Variants in NLGN1 observed in about 807,000 individuals in gnomAD.
NLGN1 encodes the protein neuroligin 1.
In NLGN1, 12 loss-of-function variants were observed where a neutral mutation model predicts 65.5. That is an observed-to-expected ratio of 0.18 (90% CI 0.12 to 0.30). NLGN1 has a LOEUF of 0.30. Ranked by LOEUF, NLGN1 falls within the 10% of genes least tolerant of loss-of-function variation. NLGN1 has a pLI of 1.00. For missense variants in NLGN1, 750 were observed against 1,007.1 expected (o/e 0.74, Z 3.46); for synonymous variants, 350 against 359.5 (o/e 0.97, Z 0.30).
chr3:173,713,469 G>A (rs1769327528), intron 3 of NLGN1, among the ~76,000 whole-genome samples: 1 of 151,980 alleles, frequency 6.6e-6, no homozygotes, highest in Non-Finnish European at 1.5e-5. Context: ...GAGAAGAATG[G>A]CACCAAACAC....
intron 2 of NLGN1, among the ~76,000 whole-genome samples, chr3:173,447,688 A>G (rs1171534809): frequency 6.6e-6 from 1 of 152,206 alleles, no homozygotes; most frequent in Non-Finnish European, 1.5e-5. Context: ...CTTCCTACCC[A>G]TGAGCATGGA....
intron 4 of NLGN1, among the ~76,000 whole-genome samples, chr3:174,038,283 G>T (rs1731561139): frequency 6.6e-6 from 1 of 152,084 alleles, no homozygotes; most frequent in South Asian, 2.1e-4. Context: ...TAACGCCAAG[G>T]CTAGTCGCTC....
intron 3 of NLGN1, among the ~76,000 whole-genome samples, chr3:173,725,188 GA>G (rs1162954991): frequency 1.3e-5 from 2 of 151,114 alleles, no homozygotes; most frequent in Admixed American, 6.6e-5. Flanking sequence ...AATAAAAAAA[GA>G]AAAAAATAAT....
rs79929746 is a variant in NLGN1, at chr3:174,185,161, A to T, written c.647-90154A>T. 3.6e-3 allele frequency among the ~76,000 whole-genome samples: 546 copies of T among 152,116 alleles called. 2 individuals are homozygous for T. Among genetic ancestry groups the T allele is most frequent in the African/African-American group, 0.012 (518 of 41,526 alleles). Reference sequence around the variant, plus strand: ...TTCCATCCTTTGAGACTCAAATGTTATTGTCTCTGTGAAGCCTTTCCCTTT... The same window carrying T: ...TTCCATCCTTTGAGACTCAAATGTTTTTGTCTCTGTGAAGCCTTTCCCTTT... On this transcript the variant is annotated intron_variant, in intron 4 of 6. Coordinates refer to ENST00000457714, the Ensembl canonical transcript of NLGN1.
chr3:174,193,723 C>A (rs1210766647), intron 4 of NLGN1, among the ~76,000 whole-genome samples: 2 of 152,108 alleles, frequency 1.3e-5, no homozygotes, highest in African/African-American at 4.8e-5. Flanking sequence ...AAAGATAAAA[C>A]TAAAAATAGT....
chr3:174,205,902 C>T (rs1221001455), intron 4 of NLGN1, among the ~76,000 whole-genome samples: 1 of 152,124 alleles, frequency 6.6e-6, no homozygotes, highest in Non-Finnish European at 1.5e-5. Flanking sequence ...GAAATAACTA[C>T]ATGTAAAGTG....
At chr3:174,242,951 C>T (rs889857517) in intron 4 of NLGN1, among the ~76,000 whole-genome samples, 2 of 152,164 alleles carry the variant, frequency 1.3e-5, no homozygotes, top group African/African-American at 4.8e-5. Context: ...TTTATAATTA[C>T]TTCTAGAAAT....
chr3:173,601,023 T>A (rs1363025495), intron 2 of NLGN1, among the ~76,000 whole-genome samples: 1 of 152,004 alleles, frequency 6.6e-6, no homozygotes, highest in Non-Finnish European at 1.5e-5. Flanking sequence ...TAATTATTAT[T>A]TATTTTTATT....
chr3:174,196,655 G>A (rs1211101683), intron 4 of NLGN1, among the ~76,000 whole-genome samples: 2 of 152,068 alleles, frequency 1.3e-5, no homozygotes, highest in African/African-American at 2.4e-5. Flanking sequence ...AGATCAAAAA[G>A]CACCAACAAA....
At chr3:174,066,607 T>C (rs1404915345) in intron 4 of NLGN1, among the ~76,000 whole-genome samples, 4 of 149,578 alleles carry the variant, frequency 2.7e-5, no homozygotes, top group African/African-American at 9.9e-5. Flanking sequence ...ATAATTTTGG[T>C]TGGTTTTAGG....
At chr3:173,988,114 G>A (rs1720337293) in intron 4 of NLGN1, among the ~76,000 whole-genome samples, 1 of 152,076 alleles carries the variant, frequency 6.6e-6, no homozygotes, top group African/African-American at 2.4e-5. Flanking sequence ...TCATATACAG[G>A]AGTACATTTC....
intron 4 of NLGN1, among the ~76,000 whole-genome samples, chr3:174,191,609 G>A (rs947021186): frequency 1.2e-4 from 19 of 152,282 alleles, no homozygotes; most frequent in Middle Eastern, 3.4e-3. Flanking sequence ...TGGTGTGCCT[G>A]TGCTTGTGTG....
intron 3 of NLGN1, among the ~76,000 whole-genome samples, chr3:173,779,037 A>G (rs1391731433): frequency 6.6e-6 from 1 of 151,580 alleles, no homozygotes; most frequent in Admixed American, 6.6e-5. Context: ...AAAATATGAA[A>G]TACTTTAAAG....
intron 2 of NLGN1, among the ~76,000 whole-genome samples, chr3:173,488,081 G>T (rs1728454343): frequency 6.7e-6 from 1 of 149,960 alleles, no homozygotes; most frequent in Non-Finnish European, 1.5e-5. Flanking sequence ...TACTTTTTAT[G>T]TTGTACATTT....
chr3:174,124,140 G>C (rs1414550279), intron 4 of NLGN1, among the ~76,000 whole-genome samples: 2 of 152,040 alleles, frequency 1.3e-5, no homozygotes, highest in African/African-American at 2.4e-5. Flanking sequence ...ACCTCAGAAG[G>C]AACCAAATGT....
At chr3:174,282,661 G>C (rs1751679116) in exon 7 of NLGN1, 1 of 152,072 alleles carries the variant, frequency 6.6e-6, no homozygotes, top group South Asian at 2.1e-4. Context: ...ACCAGTAACA[G>C]TATATCACAG....
At chr3:174,178,404 T>C (rs536195557) in intron 4 of NLGN1, among the ~76,000 whole-genome samples, 1 of 152,166 alleles carries the variant, frequency 6.6e-6, no homozygotes, top group African/African-American at 2.4e-5. Flanking sequence ...GAAAGTGCCC[T>C]GCTGCAAGCA....
chr3:174,018,588 C>A (rs966539202), intron 4 of NLGN1, among the ~76,000 whole-genome samples: 1 of 152,104 alleles, frequency 6.6e-6, no homozygotes, highest in Admixed American at 6.6e-5. Flanking sequence ...GCAACAGGTT[C>A]TACATGGCTT....
chr3:173,472,285 T>C lies in NLGN1; in HGVS notation c.-321+37207T>C, dbSNP rs887876725. On this transcript the variant is annotated intron_variant, in intron 2 of 6. Transcript: ENST00000457714. ...TACTCTCTGTTTCCTCCACTTTTTT[T>C]GTTTTAGTTTTACCTGCAGAAAAAC... Among the ~76,000 whole-genome samples the C allele has an allele frequency of 1.8e-4, 27 of 151,990 alleles. 1 individual carries two copies. Among genetic ancestry groups the C allele is most frequent in the Admixed American group, 1.7e-3 (26 of 15,242 alleles).
Sources: gnomAD v4.1 joint callset for allele counts (sites outside exome capture counted in the v4.1 genomes callset) on GRCh38, gnomAD v4.1.1 for gene constraint, MANE v1.5 for transcripts, NCBI Gene and HGNC (gene_info 2026-07-23, HGNC 2026-07-21) for gene names.